DENND2C: variants seen among roughly 807,000 people sequenced by gnomAD.
DENND2C encodes the protein DENN domain containing 2C.
Under a neutral mutation model 112.4 loss-of-function variants are expected in DENND2C, and 72 were observed. The ratio of observed to expected loss-of-function variants is 0.64; its 90% confidence interval spans 0.53 to 0.78. DENND2C has a LOEUF of 0.78. Among genes scored for constraint, DENND2C ranks in the 30% least tolerant of loss-of-function variants. DENND2C has a pLI of 0.00. For synonymous variants in DENND2C, 329 were observed against 381.6 expected (o/e 0.86, Z 1.61); for missense variants, 992 against 1,113.8 (o/e 0.89, Z 1.56).
In DENND2C at chr1:114,625,885, C is replaced by A; in HGVS notation, c.100G>T (p.Gly34Cys). ...KISQWEGRAN[G>C]ISNPEKWCPK... ...CACCACTTTTCTGGATTAGATATAC[C>A]ATTAGCCCTTCCTTCCCATTGAGAA... is the stretch of plus-strand genomic sequence containing the variant. The change falls in exon 4 of 21, where the codon GGT (glycine) becomes TGT (cysteine). Residue 34 changes from glycine (G) to cysteine (C), a missense_variant. Gly to Cys is a radical substitution (Grantham distance 159). This residue lies in a region of DENND2C where 470 missense variants were observed against 472.7 expected (regional missense o/e 0.99). Transcript: ENST00000393274. 6.2e-7 allele frequency: 1 copy of A among 1,614,040 alleles called. No homozygotes were observed.
rs1203123978 is a variant in DENND2C at position 114,599,254 on chromosome 1, G to A, written c.2283+20C>T. The A allele has an allele frequency of 6.4e-7, 1 of 1,569,862 alleles. No homozygotes were observed. Among genetic ancestry groups the A allele is most frequent in the Admixed American group, 1.7e-5 (1 of 59,034 alleles). ...TTACTTCTCAATGCTCCAATATTAGGTTCCATTCTTCTATCTCACCTCTTC... is the reference window on the plus strand; with the variant it reads ...TTACTTCTCAATGCTCCAATATTAGATTCCATTCTTCTATCTCACCTCTTC... On this transcript the variant is annotated intron_variant, in intron 16 of 20. Coordinates refer to ENST00000393274, the MANE Select transcript of DENND2C (RefSeq NM_001256404.2).
chr1:114,618,020 G>A (rs1656046331), intron 8 of DENND2C, among the ~76,000 whole-genome samples: 1 of 148,556 alleles, frequency 6.7e-6, no homozygotes, highest in South Asian at 2.1e-4. Context: ...ATGGAGTCTT[G>A]CTCTGTCGTC....
At chr1:114,616,404 A>G (rs914965310) in intron 8 of DENND2C, among the ~76,000 whole-genome samples, 2 of 152,144 alleles carry the variant, frequency 1.3e-5, no homozygotes, top group Non-Finnish European at 2.9e-5. Context: ...AAAGAAAAAA[A>G]AAAAAGAAAA....
intron 1 of DENND2C, among the ~76,000 whole-genome samples, chr1:114,661,626 C>T (rs1027460951): frequency 9.2e-5 from 14 of 152,248 alleles, no homozygotes; most frequent in Non-Finnish European, 4.4e-5. Flanking sequence ...TGTCATTTTA[C>T]TCAGATTTTG....
At chr1:114,601,020 T>C (rs1655490410) in intron 13 of DENND2C, 60 bp from the exon 14 acceptor site, 3 of 1,526,610 alleles carry the variant, frequency 2.0e-6, no homozygotes, top group Non-Finnish European at 2.6e-6. Flanking sequence ...AAGAATGCCA[T>C]TACAGGAACT....
chr1:114,657,338 T>A lies in DENND2C; in HGVS notation c.-573-2577A>T, dbSNP rs114347795. ...CATCATATTTTATTTTTTAAGATTA[T>A]TTTTATACATCATCATGTTCTGTTA... On this transcript the variant is annotated intron_variant, in intron 1 of 20. Transcript: ENST00000393274. 7.4e-3 allele frequency among the ~76,000 whole-genome samples: 1,130 copies of A among 152,330 alleles called. 8 individuals are homozygous for A. Among genetic ancestry groups the A allele is most frequent in the South Asian group, 0.027 (131 of 4,820 alleles).
rs1396153745 is a variant in DENND2C, at chr1:114,603,380, C to T, written c.1668-1186G>A. ...TCTCGAACTCCTGACCTCAGGTGATCCACCCGCCTTGGCCTGGGATTACAG... is the reference window on the plus strand; with the variant it reads ...TCTCGAACTCCTGACCTCAGGTGATTCACCCGCCTTGGCCTGGGATTACAG... On this transcript the variant is annotated intron_variant, in intron 11 of 20. Coordinates refer to ENST00000393274, the MANE Select transcript of DENND2C (RefSeq NM_001256404.2). Among the ~76,000 whole-genome samples, 3 of 151,950 alleles carry T rather than the reference C, an allele frequency of 2.0e-5. No individual in the cohort carries two copies. In the East Asian group the frequency reaches 5.8e-4, roughly 29 times the overall value.
At chr1:114,634,799 G>A (rs768258166) in intron 3 of DENND2C, among the ~76,000 whole-genome samples, 29 of 151,906 alleles carry the variant, frequency 1.9e-4, no homozygotes, top group Middle Eastern at 3.2e-3. Flanking sequence ...AGGCCGAGGC[G>A]AGCAGATCAT....
Position 114,587,753 on chromosome 1 carries a change from G to C in DENND2C, c.2631C>G (p.Phe877Leu). 5 of 1,614,004 alleles carry C rather than the reference G, an allele frequency of 3.1e-6. No individual in the cohort carries two copies. The highest frequency in any genetic ancestry group is 4.2e-6 in the Non-Finnish European group (5 of 1,179,926). ...LFMETQMFAG[F>L]IQDRELRKSG... ...TTTTCCGAAGCTCTCGGTCCTGGAT[G>C]AATCCTGCAAACATCTGAGTTTCCA... The change falls in exon 19 of 21, where the codon TTC becomes TTG. Residue 877 changes from phenylalanine (F) to leucine (L), a missense_variant. By Grantham distance (22) the Phe-to-Leu change is conservative. This residue lies in a region of DENND2C where 516 missense variants were observed against 623.6 expected (regional missense o/e 0.83). Transcript: ENST00000393274.
At chr1:114,606,692 T>C (rs1020202898) in intron 10 of DENND2C, among the ~76,000 whole-genome samples, 1 of 152,170 alleles carries the variant, frequency 6.6e-6, no homozygotes, top group African/African-American at 2.4e-5. Context: ...GAGTTTTTAT[T>C]TGCTATTTAA....
intron 20 of DENND2C, among the ~76,000 whole-genome samples, chr1:114,586,441 A>T (rs1462407497): frequency 6.6e-6 from 1 of 152,200 alleles, no homozygotes; most frequent in Non-Finnish European, 1.5e-5. Context: ...AATGATTAAT[A>T]ATGATGATAT....
intron 8 of DENND2C, among the ~76,000 whole-genome samples, chr1:114,613,457 G>GA (rs1296602577): frequency 2.0e-5 from 3 of 152,064 alleles, no homozygotes; most frequent in Admixed American, 1.3e-4. Context: ...AGATGTTACA[G>GA]AAAAAATGCT....
Position 114,583,197 on chromosome 1 carries a change from A to G in DENND2C, c.*2403T>C, listed in dbSNP as rs969893443. On this transcript the variant is annotated 3_prime_UTR_variant, in exon 21 of 21. Transcript: ENST00000393274. Reference sequence around the variant, plus strand: ...TAACCTGCTTAACATTAAAAAAAAGACAGGCTCAGTTCTATTCCCTGGACC... The same window carrying G: ...TAACCTGCTTAACATTAAAAAAAAGGCAGGCTCAGTTCTATTCCCTGGACC... 6.6e-6 allele frequency: 1 copy of G among 152,186 alleles called. No individual in the cohort carries two copies. Among genetic ancestry groups the G allele is most frequent in the African/African-American group, 2.4e-5 (1 of 41,440 alleles). The allele number at this position is 152,186 out of a possible 1,614,324, so 9.4% of individuals were successfully genotyped here. A position where few individuals can be genotyped will look rare whatever the true frequency, so the allele number is the denominator to read the frequency against.
chr1:114,603,201 C>T (rs944931207), intron 11 of DENND2C, among the ~76,000 whole-genome samples: 2 of 151,384 alleles, frequency 1.3e-5, no homozygotes, highest in East Asian at 3.9e-4. Context: ...AGTGCAGTGG[C>T]GCAATCTCTG....
chr1:114,598,842 T>C (rs1246827152), intron 16 of DENND2C, among the ~76,000 whole-genome samples: 2 of 151,736 alleles, frequency 1.3e-5, no homozygotes, highest in African/African-American at 2.4e-5. Flanking sequence ...CCACCATGCC[T>C]CGCTAATTTT....
intron 11 of DENND2C, 149 bp downstream of exon 11, chr1:114,604,773 C>T: frequency 1.7e-6 from 1 of 592,984 alleles, no homozygotes; most frequent in Non-Finnish European, 2.9e-6. Flanking sequence ...AGGAAATGTT[C>T]TAGTTCTGCT....
At position 114,600,904 on chromosome 1, in the gene DENND2C, G is replaced by C; in HGVS notation, c.1872C>G (p.Phe624Leu). The change falls in exon 14 of 21, where the codon TTC (phenylalanine) becomes TTG (leucine). Residue 624 changes from phenylalanine to leucine, a missense_variant. Physicochemically the swap from Phe to Leu is conservative, Grantham distance 22 (BLOSUM62 0). This residue lies in a region of DENND2C where 516 missense variants were observed against 623.6 expected (regional missense o/e 0.83). Transcript: ENST00000393274. ...AAGGAGCTTCCATGACACTTCGCATGAATGGGTAAACAAGGGCTGGAGACA... is the reference window on the plus strand; with the variant it reads ...AAGGAGCTTCCATGACACTTCGCATCAATGGGTAAACAAGGGCTGGAGACA... The part of the protein sequence containing the change: ...REMSPALVYP[F>L]MRSVMEAPFP... The C allele has an allele frequency of 1.9e-6, 3 of 1,614,054 alleles. No individual in the cohort carries two copies. Among genetic ancestry groups the C allele is most frequent in the Non-Finnish European group, 2.5e-6 (3 of 1,179,946 alleles).
chr1:114,616,528 A>G (rs1455027814), intron 8 of DENND2C, among the ~76,000 whole-genome samples: 1 of 152,154 alleles, frequency 6.6e-6, no homozygotes, highest in Non-Finnish European at 1.5e-5. Context: ...CATATTTGCC[A>G]GATGCATTAG....
chr1:114,651,126 A>G (rs2101689497), intron 2 of DENND2C, among the ~76,000 whole-genome samples: 2 of 151,908 alleles, frequency 1.3e-5, no homozygotes, highest in African/African-American at 4.8e-5. Flanking sequence ...AAAACAAAAC[A>G]AAACAAAACC....
Sources: gnomAD v4.1 joint callset for allele counts (sites outside exome capture counted in the v4.1 genomes callset) on GRCh38, gnomAD v4.1.1 for gene constraint, gnomAD v4.1.1 regional missense constraint, MANE v1.5 for transcripts, NCBI Gene and HGNC (gene_info 2026-07-23, HGNC 2026-07-21) for gene names.